SLC22A9: variants seen among roughly 807,000 people sequenced by gnomAD.
The protein encoded by SLC22A9 is solute carrier family 22 member 9.
Under a neutral mutation model 50.1 loss-of-function variants are expected in SLC22A9, and 64 were observed. That is an observed-to-expected ratio of 1.28 (90% CI 1.04 to 1.57). The LOEUF (loss-of-function observed/expected upper bound fraction) is 1.57, where lower values mean the gene tolerates loss of function less well. SLC22A9 is among the 40% of genes most tolerant of loss of function. SLC22A9 has a pLI of 0.00. For missense variants in SLC22A9, 757 were observed against 676.1 expected (o/e 1.12, Z -1.33); for synonymous variants, 261 against 242.5 (o/e 1.08, Z -0.71).
chr11:63,399,707 T>C (rs2014922138), intron 6 of SLC22A9, among the ~76,000 whole-genome samples: 1 of 152,128 alleles, frequency 6.6e-6, no homozygotes, highest in Non-Finnish European at 1.5e-5. Context: ...ACTTAATAAA[T>C]TTTTACAGAA....
intron 5 of SLC22A9, among the ~76,000 whole-genome samples, chr11:63,378,275 C>A (rs1247339373): frequency 3.4e-5 from 5 of 149,236 alleles, no homozygotes; most frequent in Admixed American, 2.6e-4. Flanking sequence ...AAACAAAAAA[C>A]ACATTATCAA....
chr11:63,370,011 G>C lies in SLC22A9; in HGVS notation c.-46G>C, dbSNP rs773119480. 3.9e-5 allele frequency: 61 copies of C among 1,568,022 alleles called. No individual in the cohort carries two copies. The highest frequency in any genetic ancestry group is 4.8e-5 in the Non-Finnish European group (55 of 1,155,682). ...CATTTTCCCTCTTTGAACCTCTCTG[G>C]ATACAGTCATTTTGCCTCTACTTGA... On this transcript the variant is annotated 5_prime_UTR_variant, in exon 1 of 10. Transcript: ENST00000279178.
chr11:63,371,940 C>T (rs2014367222), intron 2 of SLC22A9, among the ~76,000 whole-genome samples: 1 of 152,124 alleles, frequency 6.6e-6, no homozygotes, highest in Non-Finnish European at 1.5e-5. Context: ...TGCCACTTGC[C>T]ATCCACCAAC....
At chr11:63,382,395 C>A (rs566313444) in intron 6 of SLC22A9, 118 bp downstream of exon 6, 2 of 692,734 alleles carry the variant, frequency 2.9e-6, no homozygotes, top group Non-Finnish European at 4.7e-6. Context: ...ATGAGAAAGC[C>A]GTAAAGAGAA....
intron 2 of SLC22A9, among the ~76,000 whole-genome samples, chr11:63,372,523 G>A (rs1448959523): frequency 6.6e-6 from 1 of 151,956 alleles, no homozygotes; most frequent in African/African-American, 2.4e-5. Context: ...CAAAAACAAG[G>A]AACTACATTA....
At position 63,408,053 on chromosome 11, in the gene SLC22A9, G is replaced by A. The variant is rs886440199; in HGVS notation, c.1289-59G>A. ...ATACAGTCCTTTTCACTTCTACCTT[G>A]GGGATGCTGATTCCTTCAGCTCAGA... On this transcript the variant is annotated intron_variant, in intron 7 of 9. Coordinates refer to ENST00000279178, the MANE Select transcript of SLC22A9 (RefSeq NM_080866.3). 6 of 1,377,794 alleles carry A rather than the reference G, an allele frequency of 4.4e-6. No homozygotes were observed. In the African/African-American group the frequency reaches 8.5e-5, roughly 20 times the overall value. The allele number at this position is 1,377,794 out of a possible 1,614,324, so 85.3% of individuals were successfully genotyped here.
At chr11:63,395,066 G>A (rs985747027) in intron 6 of SLC22A9, among the ~76,000 whole-genome samples, 2 of 151,772 alleles carry the variant, frequency 1.3e-5, no homozygotes, top group Admixed American at 1.3e-4. Flanking sequence ...ATTTCTATAA[G>A]TGTATCCAAT....
intron 6 of SLC22A9, among the ~76,000 whole-genome samples, chr11:63,384,208 A>G (rs530754001): frequency 1.3e-5 from 2 of 152,332 alleles, no homozygotes; most frequent in Admixed American, 6.5e-5. Context: ...AACATGTTCC[A>G]TGGTGATTTG....
intron 7 of SLC22A9, 40 bp downstream of exon 7, chr11:63,406,751 C>T: frequency 1.9e-6 from 3 of 1,589,042 alleles, no homozygotes; most frequent in East Asian, 2.3e-5. Context: ...AATGCCTTTG[C>T]CTCTTTTCTC....
In SLC22A9 at chr11:63,409,913, C is replaced by A. The variant is rs766430135; in HGVS notation, c.*51C>A. The A allele has an allele frequency of 1.3e-6, 2 of 1,593,094 alleles. No homozygotes were observed. The highest frequency in any genetic ancestry group is 1.7e-6 in the Non-Finnish European group (2 of 1,161,826). ...CAATGAGCCAGATGAAGGGAACAAT[C>A]AGGACTATTCCTAGACACTAGCAAA... On this transcript the variant is annotated 3_prime_UTR_variant, in exon 10 of 10. Coordinates refer to ENST00000279178, the MANE Select transcript of SLC22A9 (RefSeq NM_080866.3).
intron 5 of SLC22A9, among the ~76,000 whole-genome samples, chr11:63,380,096 A>G (rs1284057871): frequency 6.6e-6 from 1 of 152,182 alleles, no homozygotes; most frequent in Non-Finnish European, 1.5e-5. Context: ...AATGCTCAAC[A>G]TCACTAATCA....
rs766063578 is a variant in SLC22A9 at position 63,410,066 on chromosome 11, C to T, written c.*204C>T. 3.1e-5 allele frequency: 14 copies of T among 453,274 alleles called. No homozygotes were observed. Among genetic ancestry groups the T allele is most frequent in the Non-Finnish European group, 5.6e-5 (14 of 250,524 alleles). The allele number at this position is 453,274 out of a possible 1,614,324, so 28.1% of individuals were successfully genotyped here. On this transcript the variant is annotated 3_prime_UTR_variant, in exon 10 of 10. Coordinates refer to ENST00000279178, the MANE Select transcript of SLC22A9 (RefSeq NM_080866.3). ...CCACCCTGGCCAACATGGTGAAACC[C>T]TGTCTCTACTAAAACAAATACAAAA...
At position 63,373,671 on chromosome 11, in the gene SLC22A9, G is replaced by T. The variant is rs1258987685; in HGVS notation, c.534G>T (p.Trp178Cys). 4 of 1,595,354 alleles carry T rather than the reference G, an allele frequency of 2.5e-6. No individual in the cohort carries two copies. Among genetic ancestry groups the T allele is most frequent in the Non-Finnish European group, 3.4e-6 (4 of 1,173,090 alleles). ...DRFGRRFVLR[W>C]CYLQVAIVGT... The stretch of plus-strand genomic sequence containing the variant: ...TTGGGAGAAGGTTCGTGCTCAGATG[G>T]TGTTACCTCCAGGTTGCCATTGTTG... Residue 178 changes from tryptophan (W) to cysteine (C), a missense_variant, in exon 3 of 10, where the codon TGG (tryptophan) becomes TGT (cysteine). By Grantham distance (215) the Trp-to-Cys change is radical. Transcript: ENST00000279178.
At chr11:63,377,677 C>G (rs532243520) in intron 5 of SLC22A9, among the ~76,000 whole-genome samples, 7 of 152,044 alleles carry the variant, frequency 4.6e-5, no homozygotes, top group African/African-American at 1.4e-4. Context: ...AAACCCAAAG[C>G]TAGCAGAAAA....
At chr11:63,397,489 G>A (rs1377042365) in intron 6 of SLC22A9, among the ~76,000 whole-genome samples, 11 of 152,156 alleles carry the variant, frequency 7.2e-5, no homozygotes. Context: ...TACAACCACA[G>A]ATGGGTCTAT....
intron 6 of SLC22A9, among the ~76,000 whole-genome samples, chr11:63,403,830 AATC>A (rs1565189862): frequency 3.9e-5 from 6 of 152,192 alleles, no homozygotes; most frequent in African/African-American, 9.6e-5. Context: ...TAAATCAATC[AATC>A]AATCAATAAA....
At chr11:63,401,554 A>G (rs906906032) in intron 6 of SLC22A9, among the ~76,000 whole-genome samples, 3 of 152,170 alleles carry the variant, frequency 2.0e-5, no homozygotes, top group Non-Finnish European at 4.4e-5. Context: ...CCTATTACCC[A>G]AGGCAATCTA....
chr11:63,372,352 G>T (rs1045670471), intron 2 of SLC22A9, among the ~76,000 whole-genome samples: 1 of 151,994 alleles, frequency 6.6e-6, no homozygotes, highest in African/African-American at 2.4e-5. Flanking sequence ...ATTAATAATA[G>T]GTTAATAAAT....
intron 5 of SLC22A9, among the ~76,000 whole-genome samples, chr11:63,375,994 G>A (rs2014454908): frequency 6.6e-6 from 1 of 152,106 alleles, no homozygotes; most frequent in Non-Finnish European, 1.5e-5. Flanking sequence ...TTACTCAATG[G>A]AGGCAGAGGC....
Sources: allele counts gnomAD v4.1 joint callset (sites outside exome capture counted in the v4.1 genomes callset), GRCh38; gene constraint gnomAD v4.1.1; transcripts MANE v1.5; gene names NCBI Gene and HGNC (gene_info 2026-07-23, HGNC 2026-07-21).